XRCC5: variants seen among roughly 807,000 people sequenced by gnomAD.
XRCC5 encodes DNA repair protein Ku80.
In XRCC5, 12 loss-of-function variants were observed where a neutral mutation model predicts 95.7. The ratio of observed to expected loss-of-function variants is 0.13; its 90% CI spans 0.08 to 0.20. XRCC5 has a LOEUF of 0.20. XRCC5 is among the 10% of genes least tolerant of loss of function. The pLI is 1.00. For synonymous variants in XRCC5, 281 were observed against 290.3 expected, an observed-to-expected ratio of 0.97 and a Z score of 0.33; for missense variants, 595 against 873.9, an observed-to-expected ratio of 0.68 and a Z score of 4.02.
intron 8 of XRCC5, among the ~76,000 whole-genome samples, chr2:216,129,465 A>G (rs944331806): frequency 4.6e-5 from 7 of 152,262 alleles, no homozygotes; most frequent in African/African-American, 7.2e-5. Context: ...TAGATGAACC[A>G]GAAAACATGA....
intron 6 of XRCC5, among the ~76,000 whole-genome samples, chr2:216,125,022 A>T (rs1210229953): frequency 6.6e-6 from 1 of 152,170 alleles, no homozygotes; most frequent in Non-Finnish European, 1.5e-5. Flanking sequence ...ATATGAACTA[A>T]ATTCCTTTAT....
intron 6 of XRCC5, among the ~76,000 whole-genome samples, chr2:216,123,168 T>C (rs929661981): frequency 2.6e-5 from 4 of 152,318 alleles, no homozygotes; most frequent in Middle Eastern, 6.8e-3. Context: ...TTTAAGCACA[T>C]TGAAGTAGTG....
chr2:216,163,361 G>C (rs1688989390), intron 16 of XRCC5, among the ~76,000 whole-genome samples: 1 of 151,996 alleles, frequency 6.6e-6, no homozygotes, highest in African/African-American at 2.4e-5. Context: ...TGTTGCCCAG[G>C]CTGGAGTGCA....
At chr2:216,143,181 C>T (rs182291264) in intron 13 of XRCC5, among the ~76,000 whole-genome samples, 1 of 152,198 alleles carries the variant, frequency 6.6e-6, no homozygotes, top group Non-Finnish European at 1.5e-5. Context: ...GAATGAGTAT[C>T]GCTTTCACAC....
chr2:216,119,725 T>A (rs1696773432), intron 5 of XRCC5, among the ~76,000 whole-genome samples: 1 of 152,160 alleles, frequency 6.6e-6, no homozygotes, highest in Non-Finnish European at 1.5e-5. Context: ...GTATAAAACT[T>A]CAGGGGAAAA....
At chr2:216,183,689 T>C (rs1480189352) in intron 16 of XRCC5, among the ~76,000 whole-genome samples, 2 of 152,140 alleles carry the variant, frequency 1.3e-5, no homozygotes, top group Admixed American at 6.5e-5. Context: ...TTCTTTTTTG[T>C]TAGATTGAGG....
rs1696547571 is a variant in XRCC5, at chr2:216,109,568, A to G, written c.21+111A>G. 16 of 1,491,428 alleles carry G rather than the reference A, an allele frequency of 1.1e-5. No individual in the cohort carries two copies. The South Asian group carries it at 1.8e-4, about 17-fold the overall frequency. The allele number at this position is 1,491,428 out of a possible 1,614,324, so 92.4% of individuals were successfully genotyped here. ...TCAAGACAAAGAATGGGGCAAGAGA[A>G]GATCATGGTGGTGGGCTCAGTCAGG... On this transcript the variant is annotated intron_variant, in intron 1 of 20. Transcript: ENST00000392132.
At chr2:216,173,348 G>A (rs1037644136) in intron 16 of XRCC5, among the ~76,000 whole-genome samples, 4 of 152,052 alleles carry the variant, frequency 2.6e-5, no homozygotes, top group African/African-American at 9.7e-5. Flanking sequence ...GATGTTAGTT[G>A]TAAGTTTTAC....
chr2:216,203,184 C>T (rs1022021061), intron 19 of XRCC5, among the ~76,000 whole-genome samples: 11 of 152,124 alleles, frequency 7.2e-5, no homozygotes, highest in African/African-American at 2.4e-4. Flanking sequence ...GCTCTCTCAC[C>T]GCGTGCCTGC....
At chr2:216,120,645 T>C (rs1380898774) in intron 5 of XRCC5, among the ~76,000 whole-genome samples, 3 of 152,192 alleles carry the variant, frequency 2.0e-5, no homozygotes, top group African/African-American at 7.2e-5. Context: ...AGCCTAAAAC[T>C]CTTGGGTTCA....
Position 216,132,313 on chromosome 2 carries a change from C to A in XRCC5, c.1051-12C>A. The stretch of plus-strand genomic sequence containing the variant: ...ATTTTGGATCAAAAGCAATTCTTTT[C>A]CTCTCTTGTAGGTTCAGAGAAGATT... On this transcript the variant is annotated splice_polypyrimidine_tract_variant and intron_variant, in intron 9 of 20. Coordinates refer to ENST00000392132, the MANE Select transcript of XRCC5 (RefSeq NM_021141.4). 6.2e-7 allele frequency: 1 copy of A among 1,613,316 alleles called. No homozygotes were observed. The highest frequency in any genetic ancestry group is 8.5e-7 in the Non-Finnish European group (1 of 1,179,430).
chr2:216,156,882 T>C (rs1229548234), intron 14 of XRCC5: 2 of 330,770 alleles, frequency 6.0e-6, no homozygotes, highest in African/African-American at 4.3e-5. Flanking sequence ...CGGTGCCCAC[T>C]GGAAGGAAAA....
chr2:216,116,362 A>G (rs1307149852), intron 2 of XRCC5, among the ~76,000 whole-genome samples: 5 of 151,944 alleles, frequency 3.3e-5, no homozygotes, highest in Non-Finnish European at 7.4e-5. Flanking sequence ...TGGTTCTCTC[A>G]TTGAGAATTA....
At position 216,141,332 on chromosome 2, in the gene XRCC5, G is replaced by A; in HGVS notation, c.1476+13G>A. ...GAGATTATTTCAGGTAAGAGAAGAA[G>A]GATGAACAAGTCATATTTCTTTTAA... is the stretch of plus-strand genomic sequence containing the variant. On this transcript the variant is annotated intron_variant, in intron 13 of 20. Transcript: ENST00000392132. 1 of 1,613,772 alleles carries A rather than the reference G, an allele frequency of 6.2e-7. No homozygotes were observed. The highest frequency in any genetic ancestry group is 8.5e-7 in the Non-Finnish European group (1 of 1,179,864).
chr2:216,110,891 T>G (rs1017964509), intron 1 of XRCC5, among the ~76,000 whole-genome samples: 2 of 129,042 alleles, frequency 1.5e-5, no homozygotes. Flanking sequence ...TATTAGCACG[T>G]TTTTTTTTTC....
chr2:216,113,192 C>T, intron 2 of XRCC5, 63 bp downstream of exon 2: 1 of 1,387,246 alleles, frequency 7.2e-7, no homozygotes, highest in Non-Finnish European at 1.0e-6. Flanking sequence ...CCTCTACCTA[C>T]TAATGCAAGA....
At chr2:216,146,170 A>G (rs1688628231) in intron 13 of XRCC5, among the ~76,000 whole-genome samples, 1 of 152,240 alleles carries the variant, frequency 6.6e-6, no homozygotes, top group Non-Finnish European at 1.5e-5. Context: ...ACTCAGACAA[A>G]CAAATGAATA....
intron 14 of XRCC5, among the ~76,000 whole-genome samples, chr2:216,151,427 T>A (rs1217574488): frequency 6.6e-6 from 1 of 152,178 alleles, no homozygotes; most frequent in Non-Finnish European, 1.5e-5. Flanking sequence ...AGCTTTCTGC[T>A]CTTTTCAGGT....
At chr2:216,155,462 A>G (rs1360298798) in intron 14 of XRCC5, among the ~76,000 whole-genome samples, 1 of 152,180 alleles carries the variant, frequency 6.6e-6, no homozygotes, top group African/African-American at 2.4e-5. Context: ...ACATTGGCAA[A>G]TATTTTTAAA....
Sources: gnomAD v4.1 joint callset for allele counts (sites outside exome capture counted in the v4.1 genomes callset) on GRCh38, gnomAD v4.1.1 for gene constraint, MANE v1.5 for transcripts, NCBI Gene and HGNC (gene_info 2026-07-23, HGNC 2026-07-21) for gene names.